Variants in LARGE1 observed in about 807,000 individuals in gnomAD.
LARGE1 encodes LARGE xylosyl- and glucuronyltransferase 1.
Under a neutral mutation model 87.6 loss-of-function variants are expected in LARGE1, and 43 were observed. The ratio of observed to expected loss-of-function variants is 0.49; its 90% confidence interval spans 0.38 to 0.63. The LOEUF (loss-of-function observed/expected upper bound fraction) is 0.63, where lower values mean the gene tolerates loss of function less well. LARGE1 is among the 30% of genes least tolerant of loss of function. The probability of loss-of-function intolerance (pLI) is 0.00; values close to 1 mark genes in which losing one functional copy is unlikely to be tolerated. For synonymous variants in LARGE1, 434 were observed against 394.6 expected (o/e 1.10, Z -1.18); for missense variants, 802 against 1,000.2 (o/e 0.80, Z 2.67).
At chr22:33,770,640 A>C (rs1025503148) in intron 1 of LARGE1, among the ~76,000 whole-genome samples, 4 of 152,086 alleles carry the variant, frequency 2.6e-5, no homozygotes, top group African/African-American at 9.7e-5. Flanking sequence ...ACTAAAAATC[A>C]CACCACTGCA....
rs138650288 is a variant in LARGE1, at chr22:33,866,949, G to A, written c.-83+53046C>T. 2.1e-3 allele frequency among the ~76,000 whole-genome samples: 319 copies of A among 152,210 alleles called. 3 individuals carry two copies. Among genetic ancestry groups the A allele is most frequent in the African/African-American group, 7.3e-3 (302 of 41,532 alleles). ...ACTAAAGGGGTTGATTATTGCTTAC[G>A]CTAACAGGAACACCAACATGTCCAG... On this transcript the variant is annotated intron_variant, in intron 1 of 14. Transcript: ENST00000397394.
chr22:33,527,745 C>A (rs989431390), intron 6 of LARGE1, among the ~76,000 whole-genome samples: 2 of 151,946 alleles, frequency 1.3e-5, no homozygotes, highest in African/African-American at 2.4e-5. Flanking sequence ...TTGACCAGAA[C>A]AAACCATAAT....
intron 3 of LARGE1, among the ~76,000 whole-genome samples, chr22:33,648,773 G>A (rs1349248594): frequency 6.6e-6 from 1 of 152,158 alleles, no homozygotes; most frequent in South Asian, 2.1e-4. Flanking sequence ...CATTTATCAC[G>A]TCCTGACATT....
At chr22:33,412,209 G>A (rs113489196) in intron 7 of LARGE1, among the ~76,000 whole-genome samples, 8 of 152,232 alleles carry the variant, frequency 5.3e-5, no homozygotes, top group South Asian at 2.1e-4. Context: ...GCTTGAACCC[G>A]GGAGGCGGAG....
chr22:33,418,314 C>T (rs1178471422), intron 7 of LARGE1, among the ~76,000 whole-genome samples: 1 of 152,134 alleles, frequency 6.6e-6, no homozygotes, highest in East Asian at 1.9e-4. Context: ...AGATAAACTC[C>T]CTATGTTGAA....
intron 9 of LARGE1, among the ~76,000 whole-genome samples, chr22:33,352,908 A>G (rs1255939721): frequency 3.3e-5 from 5 of 152,236 alleles, no homozygotes; most frequent in African/African-American, 1.2e-4. Context: ...GGAGTTCTAC[A>G]AAGGAGCTAC....
At chr22:33,594,445 A>G (rs9609835) in intron 5 of LARGE1, among the ~76,000 whole-genome samples, 12,954 of 152,228 alleles carry the variant, frequency 0.085, 682 homozygotes, top group African/African-American at 0.14. Context: ...TCCTTTCATA[A>G]CATTTGGACA....
chr22:33,581,928 T>C (rs1020819411), intron 5 of LARGE1, among the ~76,000 whole-genome samples: 1 of 152,012 alleles, frequency 6.6e-6, no homozygotes, highest in Non-Finnish European at 1.5e-5. Context: ...AAGCTTCACA[T>C]GGCTGGGAAT....
intron 1 of LARGE1, among the ~76,000 whole-genome samples, chr22:33,845,277 T>C (rs960058259): frequency 2.6e-5 from 4 of 152,106 alleles, no homozygotes; most frequent in South Asian, 2.1e-4. Context: ...AATTCCAGGA[T>C]GGGATGTATA....
At chr22:33,670,064 A>G (rs1157184199) in intron 2 of LARGE1, among the ~76,000 whole-genome samples, 1 of 152,148 alleles carries the variant, frequency 6.6e-6, no homozygotes, top group Non-Finnish European at 1.5e-5. Context: ...TCTCCTACAA[A>G]TGAAAGGAGC....
chr22:33,115,646 T>C, the LARGE1 span, among the ~76,000 whole-genome samples: 1 of 151,062 alleles, frequency 6.6e-6, no homozygotes, highest in Admixed American at 6.6e-5. Flanking sequence ...TGAAACCTCG[T>C]CTCTACTAAA....
chr22:33,465,257 C>A (rs369474741), intron 6 of LARGE1, among the ~76,000 whole-genome samples: 2 of 152,174 alleles, frequency 1.3e-5, no homozygotes, highest in East Asian at 1.9e-4. Flanking sequence ...AAAAGAAATA[C>A]ATATTGCTTG....
intron 1 of LARGE1, among the ~76,000 whole-genome samples, chr22:33,860,921 C>T (rs1241357256): frequency 6.6e-6 from 1 of 152,190 alleles, no homozygotes; most frequent in Non-Finnish European, 1.5e-5. Flanking sequence ...GCCACCACAA[C>T]CACGACCCTT....
intron 7 of LARGE1, among the ~76,000 whole-genome samples, chr22:33,431,544 T>G (rs1280048729): frequency 6.6e-6 from 1 of 152,170 alleles, no homozygotes; most frequent in Admixed American, 6.5e-5. Flanking sequence ...ATATCTGCTT[T>G]TTCTCCTGCC....
rs535230421 is a variant in LARGE1 at position 33,748,024 on chromosome 22, C to CAAAAAAAAAA, written c.106+13337_106+13346dup. The stretch of plus-strand genomic sequence containing the variant: ...GGGCACTGTGTGCCCTCTGCTGGAG[C>CAAAAAAAAAA]AAAAAAAAAAAAAAAAAAAAAAAAA... On this transcript the variant is annotated intron_variant, in intron 2 of 14. Transcript: ENST00000397394. Among the ~76,000 whole-genome samples, 56 of 21,736 alleles carry CAAAAAAAAAA rather than the reference C, an allele frequency of 2.6e-3. 13 individuals are homozygous for CAAAAAAAAAA. The East Asian group carries it at 0.033, about 13-fold the overall frequency. The allele number at this position is 21,736 out of a possible 152,430, so 14.3% of individuals were successfully genotyped here. A position where few individuals can be genotyped will look rare whatever the true frequency, so the allele number is the denominator to read the frequency against.
Position 33,554,621 on chromosome 22 carries a change from G to A in LARGE1, c.787+10227C>T, listed in dbSNP as rs146831300. Among the ~76,000 whole-genome samples the A allele has an allele frequency of 2.0e-3, 297 of 152,180 alleles. 2 individuals are homozygous for A. The highest frequency in any genetic ancestry group is 6.2e-4 in the Non-Finnish European group (42 of 68,016). Reference sequence around the variant, plus strand: ...CTAACATCCCGCTACGGGCCACAGTGGTCTTTTGCTGAGACTGAAGCCTCC... The same window carrying A: ...CTAACATCCCGCTACGGGCCACAGTAGTCTTTTGCTGAGACTGAAGCCTCC... On this transcript the variant is annotated intron_variant, in intron 6 of 14. Coordinates refer to ENST00000397394, the MANE Select transcript of LARGE1 (RefSeq NM_133642.5).
chr22:33,878,125 A>ATTTTTTTTTTTTTTTTTTTTTT (rs1601836110), intron 1 of LARGE1, among the ~76,000 whole-genome samples: 11 of 51,234 alleles, frequency 2.1e-4, no homozygotes, highest in East Asian at 7.2e-4. Flanking sequence ...TTTATATTGT[A>ATTTTTTTTTTTTTTTTTTTTTT]TTTCTTTTTT....
chr22:33,298,633 G>C lies in LARGE1; in HGVS notation c.1730+5596C>G, dbSNP rs990947801. The stretch of plus-strand genomic sequence containing the variant: ...AGCCCAGGAGTTTGAGACTAGCCTG[G>C]ACAATAGGGTCTGGGTTATGTTTAT... On this transcript the variant is annotated intron_variant, in intron 12 of 14. Transcript: ENST00000397394. Among the ~76,000 whole-genome samples, 3 of 152,010 alleles carry C rather than the reference G, an allele frequency of 2.0e-5. No homozygotes were observed. In the South Asian group the frequency reaches 6.2e-4, roughly 32 times the overall value.
Position 33,166,403 on chromosome 22 carries a change from G to A in LARGE1, c.*360C>T, listed in dbSNP as rs114817214. 2,104 of 215,328 alleles carry A rather than the reference G, an allele frequency of 9.8e-3. 48 individuals are homozygous for A. Among genetic ancestry groups the A allele is most frequent in the African/African-American group, 0.044 (1,907 of 43,116 alleles). The allele number at this position is 215,328 out of a possible 1,614,324, so 13.3% of individuals were successfully genotyped here. A position where few individuals can be genotyped will look rare whatever the true frequency, so the allele number is the denominator to read the frequency against. ...ACCACCTCAATCTTACCACAGGGAT[G>A]TTCACCTGGCACGTACCACCTTAAT... On this transcript the variant is annotated 3_prime_UTR_variant, in exon 12 of 12. Transcript: ENST00000608642.
Sources: gnomAD v4.1 joint callset for allele counts (sites outside exome capture counted in the v4.1 genomes callset) on GRCh38, gnomAD v4.1.1 for gene constraint, MANE v1.5 for transcripts, NCBI Gene and HGNC (gene_info 2026-07-23, HGNC 2026-07-21) for gene names.